The following FRMD1 variants were observed in gnomAD, a reference collection of about 807,000 sequenced individuals.
FRMD1 encodes the protein FERM domain-containing protein 1.
Under a neutral mutation model 54.9 loss-of-function variants are expected in FRMD1, and 51 were observed. That is an observed-to-expected ratio of 0.93 (90% CI 0.74 to 1.17). The LOEUF (loss-of-function observed/expected upper bound fraction) is 1.17. Ranked by LOEUF, FRMD1 falls within the 50% of genes most tolerant of loss-of-function variation. FRMD1 has a pLI of 0.00. For missense variants in FRMD1, 729 were observed against 743.0 expected (o/e 0.98, Z 0.22); for synonymous variants, 324 against 306.4 (o/e 1.06, Z -0.60).
intron 1 of FRMD1, among the ~76,000 whole-genome samples, chr6:168,091,063 G>A (rs1801008433): frequency 6.6e-6 from 1 of 152,204 alleles, no homozygotes. Flanking sequence ...ACTATGGGGG[G>A]TTATGAATGT....
In FRMD1 at chr6:168,059,292, C is replaced by T. The variant is rs2114951602; in HGVS notation, c.1343-104G>A. 1 of 948,456 alleles carries T rather than the reference C, an allele frequency of 1.1e-6. No individual in the cohort carries two copies. The highest frequency in any genetic ancestry group is 2.6e-5 in the East Asian group (1 of 37,950). The allele number at this position is 948,456 out of a possible 1,614,324, so 58.8% of individuals were successfully genotyped here. ...TTCTGGGGCCCTGGTCTCGGACCGG[C>T]ATCTCCTGAGGCTCACACCGCCCCC... On this transcript the variant is annotated intron_variant, in intron 9 of 10. Transcript: ENST00000283309. The surrounding 1 kb of genome is among the most constrained non-coding windows in gnomAD (Gnocchi z 4.4).
At chr6:168,057,393 C>T (rs1235774897) in intron 10 of FRMD1, 54 bp from the exon 11 acceptor site, 75 of 1,583,860 alleles carry the variant, frequency 4.7e-5, no homozygotes, top group Non-Finnish European at 6.2e-5. Flanking sequence ...CTCCCACCAC[C>T]GCACACGGCA....
At chr6:168,088,292 C>T (rs1188148387) in intron 1 of FRMD1, among the ~76,000 whole-genome samples, 2 of 152,156 alleles carry the variant, frequency 1.3e-5, no homozygotes, top group South Asian at 2.1e-4. Flanking sequence ...AGGCAGAGGC[C>T]CCTGGGTGCT....
At chr6:168,078,409 G>A (rs1038122581) in intron 1 of FRMD1, among the ~76,000 whole-genome samples, 5 of 152,068 alleles carry the variant, frequency 3.3e-5, no homozygotes, top group Admixed American at 1.3e-4. Flanking sequence ...TCCTTCACAG[G>A]CCCAGTGAAA....
chr6:168,065,057 G>A lies in FRMD1; in HGVS notation c.462C>T (p.Ser154=), dbSNP rs146845697. Residue 154 remains serine, a splice_region_variant and synonymous_variant, in exon 5 of 11, where the codon AGC becomes AGT. Transcript: ENST00000283309. The part of the protein sequence containing the change: ...QHYVENGRVI[S]DHRARHLYYC... ...AGTACAGGTGCCGTGCCCTGTGGTC[G>A]CTGGAAGGTGGCAGGGAGTGAGTTC... 8.3e-4 allele frequency: 1,330 copies of A among 1,597,088 alleles called. No individual in the cohort carries two copies. Among genetic ancestry groups the A allele is most frequent in the Non-Finnish European group, 1.0e-3 (1,213 of 1,169,174 alleles).
rs1583156651 is a variant in FRMD1 at position 168,055,347 on chromosome 6, C to G, written c.*1750G>C. ...TGTGTGTGTGTGCATGCGTGTGCAT[C>G]TGTGTGCAGATGTGTGCGTGTGTGC... On this transcript the variant is annotated 3_prime_UTR_variant, in exon 11 of 11. Transcript: ENST00000283309. The G allele has an allele frequency of 6.6e-6, 1 of 152,648 alleles. No homozygotes were observed. 9.5% of individuals were successfully genotyped at this position (152,648 alleles called of 1,614,324 possible). A position where few individuals can be genotyped will look rare whatever the true frequency, so the allele number is the denominator to read the frequency against.
At chr6:168,065,606 A>G in intron 4 of FRMD1, 1 of 986,400 alleles carries the variant, frequency 1.0e-6, no homozygotes, top group South Asian at 4.7e-5. Context: ...CCATCAACCC[A>G]ACACTTTCCA....
chr6:168,087,070 C>CTT (rs780789389), intron 1 of FRMD1, among the ~76,000 whole-genome samples: 1 of 148,130 alleles, frequency 6.8e-6, no homozygotes, highest in Admixed American at 6.7e-5. Flanking sequence ...TCTTGTTTCA[C>CTT]TTTTTTTTTT....
At chr6:168,074,405 A>G (rs537640769) in intron 2 of FRMD1, among the ~76,000 whole-genome samples, 9 of 152,224 alleles carry the variant, frequency 5.9e-5, no homozygotes, top group Admixed American at 5.2e-4. Context: ...AGTGGTGCGT[A>G]ACTGCATGTG....
rs116610104 is a variant in FRMD1, at chr6:168,072,201, A to G, written c.304+3044T>C. On this transcript the variant is annotated intron_variant, in intron 2 of 10. Transcript: ENST00000283309. ...GATGGATTCCTGGGCAACAGGAGAG[A>G]CGCCCTGCCCTGCACCCCCTGCTGG... Among the ~76,000 whole-genome samples the G allele has an allele frequency of 4.4e-3, 676 of 152,104 alleles. 3 individuals carry two copies. The highest frequency in any genetic ancestry group is 0.015 in the African/African-American group (632 of 41,480).
chr6:168,078,763 T>C lies in FRMD1; in HGVS notation c.213+119A>G, dbSNP rs375561502. ...ATGGCTCTGTTTACTCCCAAGGCCATCCAGGGCCCTGCTCACCCCCACGGC... is the reference window on the plus strand; with the variant it reads ...ATGGCTCTGTTTACTCCCAAGGCCACCCAGGGCCCTGCTCACCCCCACGGC... On this transcript the variant is annotated intron_variant, in intron 1 of 10. Transcript: ENST00000283309. The C allele has an allele frequency of 1.2e-3, 1,190 of 982,442 alleles. 8 individuals carry two copies. Among genetic ancestry groups the C allele is most frequent in the African/African-American group, 2.6e-3 (86 of 33,160 alleles). 60.9% of individuals were successfully genotyped at this position (982,442 alleles called of 1,614,324 possible). A position where few individuals can be genotyped will look rare whatever the true frequency, so the allele number is the denominator to read the frequency against.
chr6:168,085,737 C>T (rs1800906828), upstream of FRMD1, among the ~76,000 whole-genome samples: 1 of 148,736 alleles, frequency 6.7e-6, no homozygotes, highest in African/African-American at 2.5e-5. Flanking sequence ...CTCCCTATCG[C>T]CCAGCCATAG....
chr6:168,064,274 A>G (rs1283211681), intron 5 of FRMD1, among the ~76,000 whole-genome samples: 2 of 152,226 alleles, frequency 1.3e-5, no homozygotes, highest in Admixed American at 1.3e-4. Flanking sequence ...AGAGGTACAC[A>G]GGGATGAGCG....
At chr6:168,060,082 CG>C (rs1162347724) in intron 9 of FRMD1, among the ~76,000 whole-genome samples, 2 of 60,106 alleles carry the variant, frequency 3.3e-5, no homozygotes, top group African/African-American at 1.4e-4. Context: ...TAGGAGTCCA[CG>C]GGGCTTCTTA....
At chr6:168,089,552 A>G (rs9346649) in intron 1 of FRMD1, among the ~76,000 whole-genome samples, 78,598 of 152,040 alleles carry the variant, frequency 0.52, 21,158 homozygotes, top group South Asian at 0.69. Flanking sequence ...TGTGTTTATC[A>G]CGCACACTGT....
chr6:168,070,192 G>A (rs1800228081), intron 2 of FRMD1, among the ~76,000 whole-genome samples: 3 of 149,694 alleles, frequency 2.0e-5, no homozygotes, highest in African/African-American at 7.4e-5. Flanking sequence ...AGAGTGAGAT[G>A]AAGGAAGGAA....
chr6:168,067,659 T>C (rs1800112646), intron 2 of FRMD1: 1 of 516,532 alleles, frequency 1.9e-6, no homozygotes, highest in African/African-American at 1.9e-5. Flanking sequence ...ACTAAAACAA[T>C]GTTCCAACGT....
At chr6:168,065,754 C>T in intron 4 of FRMD1, 1 of 991,018 alleles carries the variant, frequency 1.0e-6, no homozygotes, top group Non-Finnish European at 1.2e-6. Context: ...CAGAACCCTC[C>T]CACACAACCA....
chr6:168,072,136 G>A (rs1011859949), intron 2 of FRMD1, among the ~76,000 whole-genome samples: 6 of 152,208 alleles, frequency 3.9e-5, no homozygotes, highest in Admixed American at 1.3e-4. Flanking sequence ...CACATAAACC[G>A]GGAGAATCCT....
Sources: allele counts gnomAD v4.1 joint callset (sites outside exome capture counted in the v4.1 genomes callset), GRCh38; gene constraint gnomAD v4.1.1; non-coding constraint Gnocchi (gnomAD v3.1); transcripts MANE v1.5; gene names NCBI Gene and HGNC (gene_info 2026-07-23, HGNC 2026-07-21).